The following HACD2 variants were observed in gnomAD, a reference collection of about 807,000 sequenced individuals.
HACD2 encodes 3-hydroxyacyl-CoA dehydratase 2.
HACD2 carries 15 observed loss-of-function variants against 31.0 expected under a neutral mutation model. The ratio of observed to expected loss-of-function variants is 0.48; its 90% CI spans 0.32 to 0.75. The LOEUF (loss-of-function observed/expected upper bound fraction) is 0.75. HACD2 is among the 30% of genes least tolerant of loss of function. The pLI is 0.03. For synonymous variants in HACD2, 115 were observed against 122.2 expected (o/e 0.94, Z 0.39); for missense variants, 283 against 313.0 (o/e 0.90, Z 0.72).
intron 3 of HACD2, among the ~76,000 whole-genome samples, chr3:123,556,436 CAAA>C (rs34685425): frequency 9.4e-6 from 1 of 106,900 alleles, no homozygotes; most frequent in African/African-American, 3.0e-5. Flanking sequence ...GACTCCGTCT[CAAA>C]AAAAAAAAAA....
chr3:123,563,630 CAA>C lies in HACD2; in HGVS notation c.292+4130_292+4131del, dbSNP rs1330128266. Among the ~76,000 whole-genome samples the C allele has an allele frequency of 3.0e-4, 42 of 137,838 alleles. 1 individual carries two copies. Among genetic ancestry groups the C allele is most frequent in the Admixed American group, 3.0e-3 (38 of 12,850 alleles). 90.4% of individuals were successfully genotyped at this position (137,838 alleles called of 152,430 possible). ...ATACATTTCTTCTTTTTTGAATTGA[CAA>C]AAAAATATATATACACACACACACA... On this transcript the variant is annotated intron_variant, in intron 3 of 6. Coordinates refer to ENST00000383657, the MANE Select transcript of HACD2 (RefSeq NM_198402.5).
intron 3 of HACD2, among the ~76,000 whole-genome samples, chr3:123,539,912 A>G (rs978345503): frequency 7.2e-5 from 2 of 27,920 alleles, no homozygotes; most frequent in African/African-American, 1.9e-4. Context: ...CGTCTCTACT[A>G]AAAAAAAAAA....
chr3:123,572,979 T>G (rs2056871178), intron 2 of HACD2, among the ~76,000 whole-genome samples: 1 of 151,792 alleles, frequency 6.6e-6, no homozygotes, highest in East Asian at 1.9e-4. Context: ...AGATGCAGAG[T>G]CAGGGAATAG....
At chr3:123,542,569 A>G (rs945713296) in intron 3 of HACD2, among the ~76,000 whole-genome samples, 2 of 152,260 alleles carry the variant, frequency 1.3e-5, no homozygotes, top group Non-Finnish European at 2.9e-5. Context: ...TAAAACATCT[A>G]TCTATCAACA....
In HACD2 at chr3:123,532,383, G is replaced by A. The variant is rs374761032; in HGVS notation, c.293-3909C>T. 5.9e-5 allele frequency among the ~76,000 whole-genome samples: 9 copies of A among 152,212 alleles called. No individual in the cohort carries two copies. In the South Asian group the frequency reaches 8.3e-4, roughly 14 times the overall value. ...GGCCCTCACCTGACAGCACAATCTC[G>A]AAATGCCTGCTCTACTGGACCAGTC... On this transcript the variant is annotated intron_variant, in intron 3 of 6. Coordinates refer to ENST00000383657, the MANE Select transcript of HACD2 (RefSeq NM_198402.5).
chr3:123,566,155 A>G (rs1459945207), intron 3 of HACD2, among the ~76,000 whole-genome samples: 1 of 152,180 alleles, frequency 6.6e-6, no homozygotes, highest in Non-Finnish European at 1.5e-5. Context: ...TTCTCTCCCT[A>G]CACGCCCCTC....
At chr3:123,568,485 A>C (rs1296134006) in intron 2 of HACD2, among the ~76,000 whole-genome samples, 1 of 152,090 alleles carries the variant, frequency 6.6e-6, no homozygotes, top group Non-Finnish European at 1.5e-5. Context: ...CCTTCCCCTC[A>C]TCCTCAAGTA....
chr3:123,522,164 A>T (rs906896718), intron 4 of HACD2, among the ~76,000 whole-genome samples: 2 of 151,918 alleles, frequency 1.3e-5, no homozygotes, highest in Non-Finnish European at 2.9e-5. Flanking sequence ...AATAAATAAT[A>T]AAAAATTAGC....
At chr3:123,545,485 A>AT (rs1273864090) in intron 3 of HACD2, among the ~76,000 whole-genome samples, 2 of 77,368 alleles carry the variant, frequency 2.6e-5, no homozygotes, top group Non-Finnish European at 5.8e-5. Flanking sequence ...TAGTCTCAGT[A>AT]AAAATAAATA....
intron 3 of HACD2, among the ~76,000 whole-genome samples, chr3:123,532,828 C>T (rs923781878): frequency 7.0e-5 from 8 of 113,872 alleles, no homozygotes; most frequent in African/African-American, 1.7e-4. Context: ...AGTGAGACTC[C>T]GTCTCAAAAA....
chr3:123,560,264 G>A (rs924977813), intron 3 of HACD2, among the ~76,000 whole-genome samples: 4 of 152,212 alleles, frequency 2.6e-5, no homozygotes, highest in African/African-American at 9.7e-5. Flanking sequence ...GGTCTGAAGC[G>A]CTTAACTGAT....
rs569212036 is a variant in HACD2 at position 123,557,125 on chromosome 3, C to G, written c.292+10637G>C. On this transcript the variant is annotated intron_variant, in intron 3 of 6. Coordinates refer to ENST00000383657, the MANE Select transcript of HACD2 (RefSeq NM_198402.5). The stretch of plus-strand genomic sequence containing the variant: ...GTCCCTGGGCTGCGCAGCAGGAGAG[C>G]AGCAGGTGAGTGAGTATCACTGCCT... Among the ~76,000 whole-genome samples, 7 of 152,344 alleles carry G rather than the reference C, an allele frequency of 4.6e-5. No individual in the cohort carries two copies. The South Asian group carries it at 1.2e-3, about 27-fold the overall frequency.
chr3:123,567,900 T>C, intron 2 of HACD2, 120 bp from the exon 3 acceptor site: 4 of 511,570 alleles, frequency 7.8e-6, no homozygotes, highest in East Asian at 3.5e-5. Flanking sequence ...GTATTAAATA[T>C]GAAAAATGAA....
intron 3 of HACD2, among the ~76,000 whole-genome samples, chr3:123,531,334 T>G (rs959555258): frequency 1.3e-5 from 2 of 151,910 alleles, no homozygotes; most frequent in African/African-American, 4.8e-5. Context: ...TTTCTTTTCT[T>G]TTTTTGAGAC....
At position 123,491,608 on chromosome 3, in the gene HACD2, G is replaced by A. The variant is rs144103595; in HGVS notation, c.*3280C>T. On this transcript the variant is annotated 3_prime_UTR_variant, in exon 7 of 7. Coordinates refer to ENST00000383657, the MANE Select transcript of HACD2 (RefSeq NM_198402.5). The stretch of plus-strand genomic sequence containing the variant: ...TTATTTTGAAATGCAACACAGATCA[G>A]TATTTTATGAATACAACTTATTACT... 2 of 152,692 alleles carry A rather than the reference G, an allele frequency of 1.3e-5. No individual in the cohort carries two copies. Among genetic ancestry groups the A allele is most frequent in the East Asian group, 3.9e-4 (2 of 5,184 alleles). 9.5% of individuals were successfully genotyped at this position (152,692 alleles called of 1,614,324 possible).
At chr3:123,555,586 T>G (rs1360604004) in intron 3 of HACD2, among the ~76,000 whole-genome samples, 1 of 152,198 alleles carries the variant, frequency 6.6e-6, no homozygotes, top group East Asian at 1.9e-4. Flanking sequence ...ATCAAAGATC[T>G]AAATAAGTGG....
At chr3:123,505,108 C>A (rs2055957739) in intron 4 of HACD2, among the ~76,000 whole-genome samples, 2 of 152,170 alleles carry the variant, frequency 1.3e-5, no homozygotes, top group African/African-American at 4.8e-5. Context: ...CTTACACATG[C>A]TACAACATAG....
chr3:123,511,975 G>A (rs1460335122), intron 4 of HACD2, among the ~76,000 whole-genome samples: 1 of 152,102 alleles, frequency 6.6e-6, no homozygotes, highest in East Asian at 1.9e-4. Flanking sequence ...CTCTGCACAG[G>A]CTGGATCCCT....
intron 3 of HACD2, among the ~76,000 whole-genome samples, chr3:123,543,005 G>C (rs2056512534): frequency 6.6e-6 from 1 of 152,178 alleles, no homozygotes; most frequent in Non-Finnish European, 1.5e-5. Flanking sequence ...TGCTGTTTGG[G>C]GGAAGGGTGT....
Sources: allele counts gnomAD v4.1 joint callset (sites outside exome capture counted in the v4.1 genomes callset), GRCh38; gene constraint gnomAD v4.1.1; transcripts MANE v1.5; gene names NCBI Gene and HGNC (gene_info 2026-07-23, HGNC 2026-07-21).